CLSTN2: variants seen among roughly 807,000 people sequenced by gnomAD.
The protein encoded by CLSTN2 is calsyntenin 2.
CLSTN2 carries 48 observed loss-of-function variants against 101.2 expected under a neutral mutation model. The ratio of observed to expected loss-of-function variants is 0.47; its 90% CI spans 0.38 to 0.60. CLSTN2 has a LOEUF of 0.60. Among genes scored for constraint, CLSTN2 ranks in the 20% least tolerant of loss-of-function variants. CLSTN2 has a pLI of 0.00. For synonymous variants in CLSTN2, 481 were observed against 463.6 expected (o/e 1.04, Z -0.48); for missense variants, 1,160 against 1,238.2 (o/e 0.94, Z 0.95).
At chr3:140,095,160 C>T (rs975274208) in intron 1 of CLSTN2, among the ~76,000 whole-genome samples, 6 of 152,164 alleles carry the variant, frequency 3.9e-5, no homozygotes, top group South Asian at 2.1e-4. Context: ...CCCTCAACAC[C>T]GTACCAGAGC....
At chr3:140,297,467 G>A (rs958446427) in intron 2 of CLSTN2, among the ~76,000 whole-genome samples, 3 of 152,178 alleles carry the variant, frequency 2.0e-5, no homozygotes, top group African/African-American at 7.2e-5. Flanking sequence ...CTCACAATGA[G>A]CTGGTGAATT....
intron 1 of CLSTN2, among the ~76,000 whole-genome samples, chr3:140,166,312 G>A (rs557606888): frequency 1.3e-5 from 2 of 152,328 alleles, no homozygotes; most frequent in African/African-American, 4.8e-5. Flanking sequence ...TCTACTAGGA[G>A]ATCAGATCAG....
At chr3:140,151,633 A>G (rs1280009929) in intron 1 of CLSTN2, among the ~76,000 whole-genome samples, 1 of 152,006 alleles carries the variant, frequency 6.6e-6, no homozygotes, top group Non-Finnish European at 1.5e-5. Flanking sequence ...TGGGAAGACA[A>G]TCAAAGGCAC....
At chr3:140,300,057 C>T (rs1177113725) in intron 2 of CLSTN2, among the ~76,000 whole-genome samples, 1 of 152,240 alleles carries the variant, frequency 6.6e-6, no homozygotes, top group African/African-American at 2.4e-5. Flanking sequence ...GAAGCTACAG[C>T]TCTTGGCTCC....
intron 1 of CLSTN2, among the ~76,000 whole-genome samples, chr3:140,163,419 TACACAC>T (rs60464575): frequency 2.1e-5 from 3 of 145,034 alleles, no homozygotes; most frequent in Non-Finnish European, 4.6e-5. Context: ...TTTCTATCTC[TACACAC>T]ACACACACAC....
intron 2 of CLSTN2, among the ~76,000 whole-genome samples, chr3:140,319,349 A>T (rs950894732): frequency 3.3e-5 from 5 of 152,178 alleles, no homozygotes; most frequent in Non-Finnish European, 5.9e-5. Flanking sequence ...CTGAGATCCT[A>T]AAGTGGCTGC....
At chr3:140,473,743 T>G (rs1251295248) in intron 8 of CLSTN2, among the ~76,000 whole-genome samples, 3 of 84,716 alleles carry the variant, frequency 3.5e-5, no homozygotes, top group Non-Finnish European at 1.2e-4. Flanking sequence ...GGGTTTTTTG[T>G]GTTTTTTTTT....
chr3:139,992,575 G>A (rs1936133176), intron 1 of CLSTN2, among the ~76,000 whole-genome samples: 1 of 152,158 alleles, frequency 6.6e-6, no homozygotes, highest in South Asian at 2.1e-4. Flanking sequence ...TATGTATTGA[G>A]CACCTATTAT....
At chr3:140,391,576 T>C (rs1383571716) in intron 2 of CLSTN2, among the ~76,000 whole-genome samples, 1 of 152,152 alleles carries the variant, frequency 6.6e-6, no homozygotes, top group African/African-American at 2.4e-5. Flanking sequence ...AATAAGAATA[T>C]TAACATGATA....
chr3:140,176,805 T>C (rs1390295506), intron 2 of CLSTN2, among the ~76,000 whole-genome samples: 3 of 152,220 alleles, frequency 2.0e-5, no homozygotes, highest in African/African-American at 7.2e-5. Context: ...TGAGTAATAT[T>C]GTTAACATTT....
At chr3:140,442,361 G>A (rs937589839) in intron 5 of CLSTN2, among the ~76,000 whole-genome samples, 15 of 152,070 alleles carry the variant, frequency 9.9e-5, no homozygotes, top group Admixed American at 3.9e-4. Flanking sequence ...TCAAACTAGC[G>A]AATCTTAAAA....
At chr3:140,357,544 G>A (rs952124002) in intron 2 of CLSTN2, among the ~76,000 whole-genome samples, 3 of 152,108 alleles carry the variant, frequency 2.0e-5, no homozygotes, top group Non-Finnish European at 4.4e-5. Flanking sequence ...AGGTTGCCAT[G>A]ACCTGGAGTG....
intron 2 of CLSTN2, among the ~76,000 whole-genome samples, chr3:140,270,028 T>A (rs2086727789): frequency 6.6e-6 from 1 of 152,200 alleles, no homozygotes; most frequent in African/African-American, 2.4e-5. Context: ...TGGGCTCCCA[T>A]CTTTAAAGAC....
At chr3:140,120,658 C>T (rs376237358) in intron 1 of CLSTN2, among the ~76,000 whole-genome samples, 7 of 152,154 alleles carry the variant, frequency 4.6e-5, no homozygotes, top group African/African-American at 1.4e-4. Context: ...CACAAAACAT[C>T]GTACTTTGGA....
chr3:140,033,761 A>G (rs113128484), intron 1 of CLSTN2, among the ~76,000 whole-genome samples: 2,354 of 152,330 alleles, frequency 0.015, 29 homozygotes, highest in Non-Finnish European at 0.025. Flanking sequence ...TTTTCTGTGC[A>G]GGTAGGCATA....
intron 4 of CLSTN2, among the ~76,000 whole-genome samples, chr3:140,415,431 A>G (rs2088418101): frequency 6.7e-6 from 1 of 150,102 alleles, no homozygotes; most frequent in East Asian, 2.0e-4. Flanking sequence ...TTGGTAGACC[A>G]TATATGCAAT....
intron 2 of CLSTN2, among the ~76,000 whole-genome samples, chr3:140,358,988 C>G (rs1419837431): frequency 6.6e-6 from 1 of 152,180 alleles, no homozygotes; most frequent in Non-Finnish European, 1.5e-5. Context: ...TCCAAACCCT[C>G]TTCCAACATT....
intron 2 of CLSTN2, among the ~76,000 whole-genome samples, chr3:140,226,756 T>A (rs2086324035): frequency 6.6e-6 from 1 of 152,194 alleles, no homozygotes; most frequent in Non-Finnish European, 1.5e-5. Context: ...TACAGTTCCA[T>A]GTGGCTGGGG....
At chr3:140,300,583 T>A (rs1228136771) in intron 2 of CLSTN2, among the ~76,000 whole-genome samples, 1 of 152,062 alleles carries the variant, frequency 6.6e-6, no homozygotes, top group African/African-American at 2.4e-5. Context: ...GGCTCTGAGG[T>A]AGGTTCCCAG....
Sources: allele counts gnomAD v4.1 joint callset (sites outside exome capture counted in the v4.1 genomes callset), GRCh38; gene constraint gnomAD v4.1.1; transcripts MANE v1.5; gene names NCBI Gene and HGNC (gene_info 2026-07-23, HGNC 2026-07-21).